The following CCDC178 variants were observed in gnomAD, a reference collection of about 807,000 sequenced individuals.
The protein encoded by CCDC178 is coiled-coil domain-containing protein 178.
In CCDC178, 126 loss-of-function variants were observed where a neutral mutation model predicts 117.4. The observed-to-expected ratio is 1.07, with a 90% CI of 0.93 to 1.24. The LOEUF is 1.24. CCDC178 is among the 50% of genes most tolerant of loss of function. The probability of loss-of-function intolerance (pLI) is 0.00; values close to 1 mark genes in which losing one functional copy is unlikely to be tolerated. For missense variants in CCDC178, 1,030 were observed against 986.9 expected (o/e 1.04, Z -0.59); for synonymous variants, 283 against 313.4 (o/e 0.90, Z 1.02).
intron 11 of CCDC178, among the ~76,000 whole-genome samples, chr18:33,314,555 T>C (rs776787512): frequency 6.6e-6 from 1 of 152,172 alleles, no homozygotes; most frequent in Non-Finnish European, 1.5e-5. Flanking sequence ...TCTGGTCAGA[T>C]AACCAGGAGG....
intron 21 of CCDC178, among the ~76,000 whole-genome samples, chr18:33,044,499 A>G (rs990330326): frequency 6.6e-6 from 1 of 152,080 alleles, no homozygotes; most frequent in African/African-American, 2.4e-5. Context: ...CAGAATGACT[A>G]TTATTAAAAA....
chr18:33,147,159 T>TC (rs2058277889), intron 20 of CCDC178, among the ~76,000 whole-genome samples: 1 of 150,578 alleles, frequency 6.6e-6, no homozygotes, highest in African/African-American at 2.4e-5. Context: ...TTTTTTTTTT[T>TC]TGTAAGGAAC....
chr18:33,420,548 T>G (rs541251125), intron 2 of CCDC178, among the ~76,000 whole-genome samples: 2 of 152,078 alleles, frequency 1.3e-5, no homozygotes, highest in Admixed American at 6.5e-5. Flanking sequence ...AGAGATGGGA[T>G]TTCGCCATGT....
chr18:33,430,903 T>C (rs1385803139), intron 2 of CCDC178, among the ~76,000 whole-genome samples: 2 of 150,206 alleles, frequency 1.3e-5, no homozygotes, highest in African/African-American at 2.5e-5. Flanking sequence ...AAACCCCATC[T>C]CTACTAAAAA....
At chr18:33,302,683 A>C (rs1219799587) in intron 11 of CCDC178, among the ~76,000 whole-genome samples, 1 of 152,240 alleles carries the variant, frequency 6.6e-6, no homozygotes, top group Non-Finnish European at 1.5e-5. Context: ...CTCCACAAAA[A>C]GAATGAAATC....
intron 20 of CCDC178, among the ~76,000 whole-genome samples, chr18:33,144,344 C>T (rs1027331278): frequency 1.3e-5 from 2 of 152,088 alleles, no homozygotes; most frequent in East Asian, 3.9e-4. Flanking sequence ...CATACCTGCT[C>T]CTTCTAGGAT....
chr18:33,185,932 A>G (rs1258058491), intron 20 of CCDC178, among the ~76,000 whole-genome samples: 3 of 152,052 alleles, frequency 2.0e-5, no homozygotes, highest in Non-Finnish European at 4.4e-5. Context: ...AAAAACCACT[A>G]CACTACCACT....
chr18:33,239,984 G>A (rs899036589), intron 15 of CCDC178, among the ~76,000 whole-genome samples: 9 of 150,182 alleles, frequency 6.0e-5, no homozygotes, highest in African/African-American at 2.5e-5. Flanking sequence ...CATATGTTTA[G>A]ACACAAAAAA....
At chr18:33,426,613 A>T (rs1457088306) in intron 2 of CCDC178, among the ~76,000 whole-genome samples, 6 of 152,126 alleles carry the variant, frequency 3.9e-5, no homozygotes, top group African/African-American at 1.4e-4. Context: ...TCCTTTCCTT[A>T]GGTCTCTAAC....
At chr18:33,229,891 C>T (rs904797941) in intron 15 of CCDC178, among the ~76,000 whole-genome samples, 1 of 152,110 alleles carries the variant, frequency 6.6e-6, no homozygotes, top group Non-Finnish European at 1.5e-5. Flanking sequence ...CTGCTAGAAA[C>T]TTATGGGCTC....
At chr18:33,438,351 A>G (rs956253773) in intron 2 of CCDC178, among the ~76,000 whole-genome samples, 1 of 152,158 alleles carries the variant, frequency 6.6e-6, no homozygotes, top group African/African-American at 2.4e-5. Context: ...CCCTGTCTGC[A>G]TTTGAGTCTC....
intron 14 of CCDC178, among the ~76,000 whole-genome samples, chr18:33,254,034 T>C (rs2059647847): frequency 6.6e-6 from 1 of 151,846 alleles, no homozygotes; most frequent in African/African-American, 2.4e-5. Context: ...TGTTCTCTGC[T>C]TTAGTGAGAT....
chr18:33,164,103 CTTTTTTT>C (rs34932085), intron 20 of CCDC178, among the ~76,000 whole-genome samples: 3 of 111,382 alleles, frequency 2.7e-5, no homozygotes, highest in Non-Finnish European at 5.5e-5. Context: ...CGCTTACATT[CTTTTTTT>C]TTTTTTTTTT....
chr18:33,107,526 G>GA (rs2057723824), intron 20 of CCDC178, among the ~76,000 whole-genome samples: 1 of 151,552 alleles, frequency 6.6e-6, no homozygotes, highest in African/African-American at 2.4e-5. Context: ...CTAAAACTCT[G>GA]AAAATCACAA....
At position 33,176,719 on chromosome 18, in the gene CCDC178, G is replaced by A. The variant is rs559971757; in HGVS notation, c.2238+35177C>T. Among the ~76,000 whole-genome samples the A allele has an allele frequency of 1.1e-4, 16 of 152,100 alleles. No individual in the cohort carries two copies. The South Asian group carries it at 1.2e-3, about 12-fold the overall frequency. ...CAATTACTACAGTGTACTGTCTTCAGTACACTTTTTGTTTCATATTTGTGT... is the reference window on the plus strand; with the variant it reads ...CAATTACTACAGTGTACTGTCTTCAATACACTTTTTGTTTCATATTTGTGT... On this transcript the variant is annotated intron_variant, in intron 20 of 22. Coordinates refer to ENST00000383096, the MANE Select transcript of CCDC178 (RefSeq NM_001105528.4).
At chr18:33,061,557 C>G (rs2056920938) in intron 21 of CCDC178, among the ~76,000 whole-genome samples, 1 of 152,004 alleles carries the variant, frequency 6.6e-6, no homozygotes, top group Non-Finnish European at 1.5e-5. Flanking sequence ...TTCATTCTAC[C>G]TCTGTAAACA....
intron 21 of CCDC178, among the ~76,000 whole-genome samples, chr18:33,073,992 G>A (rs945602121): frequency 2.6e-5 from 4 of 151,950 alleles, no homozygotes; most frequent in African/African-American, 9.7e-5. Context: ...GAAATTCAAG[G>A]TCCCTATATT....
chr18:33,291,045 G>A (rs186453912), intron 12 of CCDC178, among the ~76,000 whole-genome samples: 217 of 152,124 alleles, frequency 1.4e-3, no homozygotes, highest in African/African-American at 4.8e-3. Context: ...AAGGCAGAGC[G>A]AGAAAAACAA....
At position 33,068,890 on chromosome 18, in the gene CCDC178, G is replaced by T. The variant is rs566573562; in HGVS notation, c.2388+23871C>A. 5.7e-4 allele frequency among the ~76,000 whole-genome samples: 87 copies of T among 152,184 alleles called. 1 individual carries two copies. The highest frequency in any genetic ancestry group is 2.0e-3 in the African/African-American group (84 of 41,548). On this transcript the variant is annotated intron_variant, in intron 21 of 22. Coordinates refer to ENST00000383096, the MANE Select transcript of CCDC178 (RefSeq NM_001105528.4). ...AGAGAAAGACAAATTGTTATGCTTT[G>T]CAGATGACATGATCCTATATTTAGA...
Sources: allele counts gnomAD v4.1 joint callset (sites outside exome capture counted in the v4.1 genomes callset), GRCh38; gene constraint gnomAD v4.1.1; transcripts MANE v1.5; gene names NCBI Gene and HGNC (gene_info 2026-07-23, HGNC 2026-07-21).